TEX29: variants seen among roughly 807,000 people sequenced by gnomAD.
The protein encoded by TEX29 is testis expressed 29.
A neutral mutation model predicts 18.2 loss-of-function variants in TEX29; 26 were observed. The observed-to-expected ratio is 1.43, with a 90% CI of 1.04 to 1.98. The LOEUF (loss-of-function observed/expected upper bound fraction) is 1.98. Among genes scored for constraint, TEX29 ranks in the 30% most tolerant of loss-of-function variants. The pLI, the probability that TEX29 is intolerant of heterozygous loss-of-function variation, is 0.00. For synonymous variants in TEX29, 83 were observed against 78.5 expected, an observed-to-expected ratio of 1.06 and a Z score of -0.31; for missense variants, 177 against 194.2, an observed-to-expected ratio of 0.91 and a Z score of 0.53.
chr13:111,326,021 G>A (rs2093672311), intron 2 of TEX29, among the ~76,000 whole-genome samples: 1 of 152,246 alleles, frequency 6.6e-6, no homozygotes, highest in Admixed American at 6.5e-5. Context: ...GGGACGGTGG[G>A]GAGGGCGCCT....
rs536063917 is a variant in TEX29, at chr13:111,326,432, A to C, written c.59-1751A>C. Among the ~76,000 whole-genome samples the C allele has an allele frequency of 6.4e-4, 73 of 114,656 alleles. 2 individuals are homozygous for C. The highest frequency in any genetic ancestry group is 2.2e-3 in the African/African-American group (69 of 30,716). 75.2% of individuals were successfully genotyped at this position (114,656 alleles called of 152,430 possible). A position where few individuals can be genotyped will look rare whatever the true frequency, so the allele number is the denominator to read the frequency against. On this transcript the variant is annotated intron_variant, in intron 2 of 5. Transcript: ENST00000283547. ...GGTGGAGGAGACGGTGGGCAGCGTG[A>C]GCCTGGCGCTGGTGGGTGTCTGGTG...
chr13:111,317,624 C>G (rs2093656738), upstream of TEX29, among the ~76,000 whole-genome samples: 3 of 152,236 alleles, frequency 2.0e-5, no homozygotes, highest in South Asian at 6.2e-4. Flanking sequence ...GCGAAGTCAT[C>G]AACACGGGCG....
Position 111,339,884 on chromosome 13 carries a change from C to G in TEX29, c.191C>G (p.Ala64Gly), listed in dbSNP as rs900379735. The change falls in exon 4 of 6, where the codon GCC (alanine) becomes GGC (glycine). Residue 64 changes from alanine to glycine, a missense_variant. Coordinates refer to ENST00000283547, the MANE Select transcript of TEX29 (RefSeq NM_152324.3). ...AVPIYIHVFSALIVIIAGAFV... is the reference protein window; with the variant it reads ...AVPIYIHVFSGLIVIIAGAFV... Reference sequence around the variant, plus strand: ...TCAGTTTACATCCACGTGTTCTCTGCCTTGATTGTGATCATCGCTGGGGCC... The same window carrying G: ...TCAGTTTACATCCACGTGTTCTCTGGCTTGATTGTGATCATCGCTGGGGCC... 1.2e-6 allele frequency: 2 copies of G among 1,610,408 alleles called. No individual in the cohort carries two copies. Among genetic ancestry groups the G allele is most frequent in the Non-Finnish European group, 1.7e-6 (2 of 1,177,686 alleles).
chr13:111,329,407 A>G (rs538623983), intron 3 of TEX29, among the ~76,000 whole-genome samples: 2 of 151,798 alleles, frequency 1.3e-5, no homozygotes, highest in Non-Finnish European at 2.9e-5. Context: ...GCTCAGGGCC[A>G]CTTCTTCTTC....
chr13:111,329,835 T>C (rs1204917245), intron 3 of TEX29, among the ~76,000 whole-genome samples: 1 of 152,164 alleles, frequency 6.6e-6, no homozygotes, highest in Non-Finnish European at 1.5e-5. Context: ...TGTCATCATC[T>C]TGATGGCTGG....
chr13:111,318,850 CTG>C (rs1307230125), upstream of TEX29, among the ~76,000 whole-genome samples: 1 of 152,252 alleles, frequency 6.6e-6, no homozygotes, highest in Non-Finnish European at 1.5e-5. Context: ...CCCATCTGGA[CTG>C]TAACAAAAAT....
chr13:111,328,380 G>C, intron 3 of TEX29, 87 bp downstream of exon 3: 1 of 901,848 alleles, frequency 1.1e-6, no homozygotes, highest in Non-Finnish European at 1.8e-6. Context: ...TCCCTTCCTC[G>C]GGGTCTCTGT....
chr13:111,323,626 G>A (rs967684171), intron 2 of TEX29, among the ~76,000 whole-genome samples: 2 of 152,142 alleles, frequency 1.3e-5, no homozygotes, highest in African/African-American at 4.8e-5. Flanking sequence ...CTCTGTGTCC[G>A]AATCCCCGGG....
chr13:111,342,771 C>T lies in TEX29; in HGVS notation c.255C>T (p.Ser85=), dbSNP rs1231684483. Reference sequence around the variant, plus strand: ...TTCCCATCAGAGTCATTCAGGAGAGCAGGAAAGAAAAGGCCATCCCTGTGG... The same window carrying T: ...TTCCCATCAGAGTCATTCAGGAGAGTAGGAAAGAAAAGGCCATCCCTGTGG... ...ITIIYRVIQE[S]RKEKAIPVDV... is the part of the protein sequence containing the mutation. Residue 85 remains serine, a synonymous_variant, in exon 5 of 6, where the codon AGC becomes AGT. Transcript: ENST00000283547. 1.2e-6 allele frequency: 2 copies of T among 1,613,810 alleles called. No individual in the cohort carries two copies. Among genetic ancestry groups the T allele is most frequent in the Non-Finnish European group, 1.7e-6 (2 of 1,179,984 alleles).
In TEX29 at chr13:111,341,866, C is replaced by T. The variant is rs1005794185; in HGVS notation, c.240-890C>T. Among the ~76,000 whole-genome samples, 22 of 152,228 alleles carry T rather than the reference C, an allele frequency of 1.4e-4. 1 individual carries two copies. Among genetic ancestry groups the T allele is most frequent in the Admixed American group, 6.5e-5 (1 of 15,280 alleles). On this transcript the variant is annotated intron_variant, in intron 4 of 5. Coordinates refer to ENST00000283547, the MANE Select transcript of TEX29 (RefSeq NM_152324.3). ...GACGATGTAAGTGAACTTACTGTCC[C>T]CGGACTGGGATGATTGACGCAGCAT...
intron 2 of TEX29, among the ~76,000 whole-genome samples, chr13:111,322,966 A>C (rs11839172): frequency 6.2e-4 from 94 of 152,074 alleles, no homozygotes; most frequent in African/African-American, 2.2e-3. Flanking sequence ...CCTCTCTGCC[A>C]CCCACCCCTG....
At chr13:111,326,120 G>A (rs979135554) in intron 2 of TEX29, among the ~76,000 whole-genome samples, 16 of 150,888 alleles carry the variant, frequency 1.1e-4, no homozygotes, top group Non-Finnish European at 1.9e-4. Flanking sequence ...CTTGGGTTTC[G>A]TCTGGATCTT....
upstream of TEX29, among the ~76,000 whole-genome samples, chr13:111,318,518 C>T (rs2093658371): frequency 6.6e-6 from 1 of 152,250 alleles, no homozygotes; most frequent in South Asian, 2.1e-4. Context: ...ACACCCCTCT[C>T]CCTGTGAGTC....
At chr13:111,319,067 T>C (rs1301086835), upstream of TEX29, among the ~76,000 whole-genome samples, 1 of 152,134 alleles carries the variant, frequency 6.6e-6, no homozygotes, top group East Asian at 1.9e-4. Flanking sequence ...ACGATTCCCA[T>C]TCGTGAGGCT....
intron 2 of TEX29, among the ~76,000 whole-genome samples, chr13:111,322,041 C>T (rs2093665508): frequency 6.6e-6 from 1 of 152,256 alleles, no homozygotes; most frequent in South Asian, 2.1e-4. Flanking sequence ...AAGATGCTGG[C>T]AGCCACTGAG....
intron 3 of TEX29, among the ~76,000 whole-genome samples, chr13:111,334,957 G>A (rs1465048285): frequency 6.6e-6 from 1 of 152,184 alleles, no homozygotes; most frequent in African/African-American, 2.4e-5. Context: ...GCTGGAGGGT[G>A]GGCAGGAGAG....
chr13:111,340,195 G>A (rs952933409), intron 4 of TEX29, among the ~76,000 whole-genome samples: 1 of 143,118 alleles, frequency 7.0e-6, no homozygotes, highest in East Asian at 2.0e-4. Context: ...CATGTTTAGT[G>A]AGCACCTGTG....
At chr13:111,328,644 C>T (rs974464613) in intron 3 of TEX29, among the ~76,000 whole-genome samples, 11 of 152,108 alleles carry the variant, frequency 7.2e-5, no homozygotes, top group African/African-American at 2.4e-4. Flanking sequence ...AAACATGGGG[C>T]GCCGGCAGGG....
At chr13:111,324,369 C>A (rs2093669425) in intron 2 of TEX29, among the ~76,000 whole-genome samples, 1 of 152,198 alleles carries the variant, frequency 6.6e-6, no homozygotes, top group African/African-American at 2.4e-5. Context: ...CAGCTCCCAG[C>A]AGGGAAGCTG....
Sources: allele counts gnomAD v4.1 joint callset (sites outside exome capture counted in the v4.1 genomes callset), GRCh38; gene constraint gnomAD v4.1.1; transcripts MANE v1.5; gene names NCBI Gene and HGNC (gene_info 2026-07-23, HGNC 2026-07-21).